The following TRPM2 variants were observed in gnomAD, a reference collection of about 807,000 sequenced individuals.
TRPM2 encodes estrogen-responsive element-associated gene 1 protein.
Under a neutral mutation model 174.0 loss-of-function variants are expected in TRPM2, and 161 were observed. The ratio of observed to expected loss-of-function variants is 0.93; its 90% CI spans 0.81 to 1.05. TRPM2 has a LOEUF of 1.05. TRPM2 is among the 50% of genes least tolerant of loss of function. The pLI, the probability that TRPM2 is intolerant of heterozygous loss-of-function variation, is 0.00. For synonymous variants in TRPM2, 954 were observed against 861.3 expected (o/e 1.11, Z -1.88); for missense variants, 2,057 against 2,038.0 (o/e 1.01, Z -0.18).
intron 15 of TRPM2, among the ~76,000 whole-genome samples, 163 bp from the exon 16 acceptor site, chr21:44,401,518 C>T (rs562156244): frequency 6.6e-6 from 1 of 152,164 alleles, no homozygotes; most frequent in African/African-American, 2.4e-5. Flanking sequence ...GCTGTGCCGG[C>T]TCCGCCTGTA....
intron 19 of TRPM2, among the ~76,000 whole-genome samples, chr21:44,407,741 G>C (rs1785444): frequency 6.6e-6 from 1 of 151,416 alleles, no homozygotes; most frequent in South Asian, 2.1e-4. Flanking sequence ...CCGTTTTCAA[G>C]GTTTGTCACC....
intron 11 of TRPM2, among the ~76,000 whole-genome samples, chr21:44,394,867 C>T (rs978645306): frequency 4.6e-5 from 7 of 152,128 alleles, no homozygotes; most frequent in South Asian, 2.1e-4. Flanking sequence ...TTCTGGGGAG[C>T]GTTTCCCAGC....
At position 44,388,833 on chromosome 21, in the gene TRPM2, T is replaced by TCAAAAA. The variant is rs374197681; in HGVS notation, c.1319-2055_1319-2050dup. ...CTGGGTGACAGAGGAAGACCCTGTC[T>TCAAAAA]CAAAAACAAAAACAAAAACAACCCA... On this transcript the variant is annotated intron_variant, in intron 9 of 31. Coordinates refer to ENST00000397928, the MANE Select transcript of TRPM2 (RefSeq NM_003307.4). Among the ~76,000 whole-genome samples, 187 of 152,138 alleles carry TCAAAAA rather than the reference T, an allele frequency of 1.2e-3. 1 individual carries two copies. The East Asian group carries it at 0.028, about 23-fold the overall frequency.
intron 19 of TRPM2, among the ~76,000 whole-genome samples, 185 bp downstream of exon 19, chr21:44,406,950 C>T (rs2049907874): frequency 6.7e-6 from 1 of 150,168 alleles, no homozygotes. Context: ...GAAGGGGCCC[C>T]ACCAGGGGAG....
chr21:44,384,237 C>T (rs772210423), intron 9 of TRPM2, among the ~76,000 whole-genome samples: 6 of 152,176 alleles, frequency 3.9e-5, no homozygotes, highest in Non-Finnish European at 7.3e-5. Flanking sequence ...TGTTGGATAA[C>T]CTAGATGTGT....
intron 18 of TRPM2, 143 bp from the exon 19 acceptor site, chr21:44,406,451 C>G: frequency 9.6e-7 from 1 of 1,036,806 alleles, no homozygotes; most frequent in Non-Finnish European, 1.4e-6. Context: ...GGGGGCAGCC[C>G]CAGGACTGCT....
chr21:44,425,867 G>A, intron 25 of TRPM2, 40 bp downstream of exon 25: 3 of 1,496,666 alleles, frequency 2.0e-6, no homozygotes, highest in Non-Finnish European at 2.7e-6. Context: ...GAGTGGCCGG[G>A]CCCCTGGGGA....
At position 44,394,317 on chromosome 21, in the gene TRPM2, C is replaced by CTT. The variant is rs35448660; in HGVS notation, c.1795-1078_1795-1077dup. Among the ~76,000 whole-genome samples, 828 of 112,654 alleles carry CTT rather than the reference C, an allele frequency of 7.3e-3. 26 individuals are homozygous for CTT. Among genetic ancestry groups the CTT allele is most frequent in the African/African-American group, 0.025 (729 of 29,610 alleles). 73.9% of individuals were successfully genotyped at this position (112,654 alleles called of 152,430 possible). On this transcript the variant is annotated intron_variant, in intron 11 of 31. Transcript: ENST00000397928. ...GTGGTTTAGGAAGAAAAACACATTT[C>CTT]TTTTTTTTTTTTTTTTTTTTGAGAT...
chr21:44,367,846 T>C lies in TRPM2; in HGVS notation c.604+912T>C, dbSNP rs2048404633. 6.6e-6 allele frequency among the ~76,000 whole-genome samples: 1 copy of C among 152,040 alleles called. No individual in the cohort carries two copies. Among genetic ancestry groups the C allele is most frequent in the Non-Finnish European group, 1.5e-5 (1 of 68,000 alleles). On this transcript the variant is annotated intron_variant, in intron 4 of 31. Transcript: ENST00000397928. This position sits in a 1 kb window ranked among gnomAD's most constrained non-coding sequence, Gnocchi z 4.6. ...ACGGCTGCATCTTTTGACCTGTGAG[T>C]CCCACAGCCCTGCTTGTAAAATGAC... is the stretch of plus-strand genomic sequence containing the variant.
rs200864433 is a variant in TRPM2, at chr21:44,418,086, G to A, written c.3306G>A (p.Pro1102=). The A allele has an allele frequency of 5.7e-5, 92 of 1,612,222 alleles. No individual in the cohort carries two copies. The Middle Eastern group carries it at 6.6e-4, about 12-fold the overall frequency. ...TCAAGAGGGTGGTCCTGAAGACTCC[G>A]GCCAAGAGGCACAAGCAGCTCAGTA... ...LFIKRVVLKT[P]AKRHKQLKNK... Residue 1102 remains proline, a synonymous_variant, in exon 21 of 32, where the codon CCG becomes CCA. Transcript: ENST00000397928.
intron 14 of TRPM2, among the ~76,000 whole-genome samples, 173 bp from the exon 15 acceptor site, chr21:44,400,086 G>A (rs753727482): frequency 2.6e-4 from 40 of 152,192 alleles, no homozygotes; most frequent in Middle Eastern, 3.2e-3. Flanking sequence ...GGTGAAAGGC[G>A]GGATTGGACA....
In TRPM2 at chr21:44,413,967, G is replaced by A. The variant is rs552441877; in HGVS notation, c.3039G>A (p.Ala1013=). The A allele has an allele frequency of 6.8e-5, 110 of 1,613,956 alleles. No individual in the cohort carries two copies. In the South Asian group the frequency reaches 1.0e-3, roughly 15 times the overall value. ...AGCCTAAGTGCCCCGAGAGCGACGC[G>A]ACGCAGCAGAGGCCGGCCTTCCCTG... ...PYKPKCPESD[A]TQQRPAFPEW... is the part of the protein sequence containing the mutation. Residue 1013 remains alanine, a synonymous_variant, in exon 20 of 32, where the codon GCG becomes GCA. Transcript: ENST00000397928.
chr21:44,409,553 GT>G (rs2050019237), intron 19 of TRPM2, among the ~76,000 whole-genome samples: 1 of 151,314 alleles, frequency 6.6e-6, no homozygotes, highest in African/African-American at 2.4e-5. Flanking sequence ...TGCTGTCTTG[GT>G]TGGCATAGCC....
At chr21:44,437,262 C>T in intron 29 of TRPM2, 95 bp downstream of exon 29, 1 of 1,081,700 alleles carries the variant, frequency 9.2e-7, no homozygotes, top group Non-Finnish European at 1.3e-6. Flanking sequence ...CACCAGCCCC[C>T]TGCAGCCCCC....
intron 19 of TRPM2, among the ~76,000 whole-genome samples, chr21:44,412,538 T>C (rs1181789123): frequency 6.6e-6 from 1 of 152,132 alleles, no homozygotes; most frequent in African/African-American, 2.4e-5. Context: ...GTTGCTCTTT[T>C]TCAAGAACTG....
chr21:44,390,006 G>C (rs1035338426), intron 9 of TRPM2, among the ~76,000 whole-genome samples: 5 of 151,642 alleles, frequency 3.3e-5, no homozygotes, highest in African/African-American at 1.2e-4. Context: ...CCAAGTAGCT[G>C]GGACTACAGG....
At position 44,413,819 on chromosome 21, in the gene TRPM2, G is replaced by A. The variant is rs1219463100; in HGVS notation, c.2963-72G>A. 4.6e-6 allele frequency: 7 copies of A among 1,535,652 alleles called. No individual in the cohort carries two copies. The East Asian group carries it at 1.4e-4, about 30-fold the overall frequency. On this transcript the variant is annotated intron_variant, in intron 19 of 31. Transcript: ENST00000397928. ...CTGGCAGTGACTGGAGGCCTCGAGG[G>A]CCCCCTCCTGCCAAGCTCCTCTTGA... is the stretch of plus-strand genomic sequence containing the variant.
intron 2 of TRPM2, among the ~76,000 whole-genome samples, chr21:44,355,880 C>T (rs2048044887): frequency 6.6e-6 from 1 of 151,240 alleles, no homozygotes; most frequent in South Asian, 2.1e-4. Context: ...ACCAAAATCC[C>T]ATATCTCGTA....
At chr21:44,394,168 C>G (rs45619336) in intron 11 of TRPM2, among the ~76,000 whole-genome samples, 1 of 152,048 alleles carries the variant, frequency 6.6e-6, no homozygotes, top group South Asian at 2.1e-4. Context: ...CGTGCCAGGC[C>G]GGGTATGGCT....
Sources: allele counts gnomAD v4.1 joint callset (sites outside exome capture counted in the v4.1 genomes callset), GRCh38; gene constraint gnomAD v4.1.1; non-coding constraint Gnocchi (gnomAD v3.1); transcripts MANE v1.5; gene names NCBI Gene and HGNC (gene_info 2026-07-23, HGNC 2026-07-21).